Variants in CFAP46 observed in about 807,000 individuals in gnomAD.
The protein encoded by CFAP46 is cilia- and flagella-associated protein 46.
CFAP46 carries 245 observed loss-of-function variants against 325.7 expected under a neutral mutation model. The observed-to-expected ratio is 0.75, with a 90% CI of 0.68 to 0.84. The LOEUF (loss-of-function observed/expected upper bound fraction) is 0.84, where lower values mean the gene tolerates loss of function less well. Among genes scored for constraint, CFAP46 ranks in the 40% least tolerant of loss-of-function variants. The pLI, the probability that CFAP46 is intolerant of heterozygous loss-of-function variation, is 0.00. For synonymous variants in CFAP46, 1,523 were observed against 1,495.9 expected, an observed-to-expected ratio of 1.02 and a Z score of -0.42; for missense variants, 3,346 against 3,543.0, an observed-to-expected ratio of 0.94 and a Z score of 1.41.
rs1848865691 is a variant in CFAP46 at position 132,869,418 on chromosome 10, G to A, written c.4512-46C>T. 2.1e-6 allele frequency: 3 copies of A among 1,413,636 alleles called. No homozygotes were observed. The highest frequency in any genetic ancestry group is 2.8e-6 in the Non-Finnish European group (3 of 1,058,152). 87.6% of individuals were successfully genotyped at this position (1,413,636 alleles called of 1,614,324 possible). On this transcript the variant is annotated intron_variant, in intron 32 of 57. Coordinates refer to ENST00000368586, the MANE Select transcript of CFAP46 (RefSeq NM_001200049.3). The surrounding 1 kb of genome is among the most constrained non-coding windows in gnomAD (Gnocchi z 6.2). The stretch of plus-strand genomic sequence containing the variant: ...AGAGTCAGTGTTGCACGGGCGCAGA[G>A]GGAGCCAGAAACGAAGCTACTAGTG...
chr10:132,892,492 C>T, intron 24 of CFAP46, 75 bp from the exon 25 acceptor site: 3 of 1,335,708 alleles, frequency 2.2e-6, no homozygotes, highest in Non-Finnish European at 3.1e-6. Context: ...TAAGAAACTC[C>T]CCCTCTGAGC....
In CFAP46 at chr10:132,832,582, T is replaced by C. The variant is rs1022555979; in HGVS notation, c.7117+776A>G. 8 of 349,488 alleles carry C rather than the reference T, an allele frequency of 2.3e-5. No homozygotes were observed. The highest frequency in any genetic ancestry group is 4.3e-5 in the African/African-American group (2 of 46,684). The allele number at this position is 349,488 out of a possible 1,614,324, so 21.6% of individuals were successfully genotyped here. On this transcript the variant is annotated intron_variant, in intron 50 of 57. Transcript: ENST00000368586. The surrounding 1 kb of genome is among the most constrained non-coding windows in gnomAD (Gnocchi z 4.1). ...CAGCTGGAAGAACGAATCTGGTCCC[T>C]GTTACTTCATCTGAGATGGAAGCAA...
chr10:132,895,752 G>A (rs1367470259), intron 24 of CFAP46, among the ~76,000 whole-genome samples: 1 of 152,210 alleles, frequency 6.6e-6, no homozygotes, highest in Non-Finnish European at 1.5e-5. Flanking sequence ...CATATCCTGA[G>A]ACTCTAACCC....
At chr10:132,853,552 C>T (rs1347010577) in intron 39 of CFAP46, among the ~76,000 whole-genome samples, 1 of 152,128 alleles carries the variant, frequency 6.6e-6, no homozygotes. Context: ...GATGTATTCT[C>T]TCCTTTTCAA....
At chr10:132,890,271 C>A (rs1849236411) in intron 25 of CFAP46, among the ~76,000 whole-genome samples, 1 of 152,200 alleles carries the variant, frequency 6.6e-6, no homozygotes, top group South Asian at 2.1e-4. Context: ...GTCTGGGCTG[C>A]CTTCTGCCTC....
chr10:132,887,396 G>A (rs1321338629), intron 25 of CFAP46, among the ~76,000 whole-genome samples: 2 of 48,594 alleles, frequency 4.1e-5, no homozygotes. Context: ...CTCCTCTCTC[G>A]CTTCTCTCTC....
Position 132,842,172 on chromosome 10 carries a change from G to A in CFAP46, c.6438+3885C>T, listed in dbSNP as rs147117506. Among the ~76,000 whole-genome samples the A allele has an allele frequency of 4.6e-3, 699 of 152,284 alleles. 9 individuals carry two copies. The highest frequency in any genetic ancestry group is 0.015 in the African/African-American group (630 of 41,548). ...CCGTGTAGTGGTTAGAAGTAGCCACGCAGCAGCCTAATTCTTTGCTGCTTG... is the reference window on the plus strand; with the variant it reads ...CCGTGTAGTGGTTAGAAGTAGCCACACAGCAGCCTAATTCTTTGCTGCTTG... On this transcript the variant is annotated intron_variant, in intron 44 of 57. Transcript: ENST00000368586.
chr10:132,836,198 G>A lies in CFAP46; in HGVS notation c.6557C>T (p.Ala2186Val). 6.2e-7 allele frequency: 1 copy of A among 1,611,280 alleles called. No individual in the cohort carries two copies. Among genetic ancestry groups the A allele is most frequent in the Non-Finnish European group, 8.5e-7 (1 of 1,179,632 alleles). The change falls in exon 46 of 58, where the codon GCC (alanine) becomes GTC (valine). Residue 2186 changes from alanine to valine, a missense_variant. Transcript: ENST00000368586. ...SGDRSRLYGA[A>V]YEKPKFITAA... ...AGTAATGAACTTGGGTTTCTCGTAG[G>A]CAGCGCCGTACAGACGGGACCTGCT...
rs1044794377 is a variant in CFAP46, at chr10:132,919,928, G to A, written c.1730+131C>T. On this transcript the variant is annotated intron_variant, in intron 14 of 57. Transcript: ENST00000368586. This position sits in a 1 kb window ranked among gnomAD's most constrained non-coding sequence, Gnocchi z 9.7. Reference sequence around the variant, plus strand: ...GGCAGGGACCTCGTCCCACCATCCTGGAGCAGGTGGCCTGGCGAGTCCCCA... The same window carrying A: ...GGCAGGGACCTCGTCCCACCATCCTAGAGCAGGTGGCCTGGCGAGTCCCCA... 3 of 1,234,326 alleles carry A rather than the reference G, an allele frequency of 2.4e-6. No individual in the cohort carries two copies. Among genetic ancestry groups the A allele is most frequent in the Non-Finnish European group, 3.2e-6 (3 of 932,088 alleles). The allele number at this position is 1,234,326 out of a possible 1,614,324, so 76.5% of individuals were successfully genotyped here.
intron 34 of CFAP46, among the ~76,000 whole-genome samples, chr10:132,866,519 C>T (rs374938018): frequency 5.9e-5 from 9 of 152,230 alleles, no homozygotes; most frequent in African/African-American, 1.4e-4. Flanking sequence ...CTCGTGGTGC[C>T]GAACAACCCT....
chr10:132,812,136 T>G (rs185428885), intron 55 of CFAP46, among the ~76,000 whole-genome samples: 240 of 152,318 alleles, frequency 1.6e-3, no homozygotes, highest in South Asian at 0.011. Context: ...CGCCCTGCGG[T>G]GTCCGAGTGG....
intron 19 of CFAP46, among the ~76,000 whole-genome samples, chr10:132,912,118 A>ACCCCCACC (rs202055018): frequency 1.1e-4 from 4 of 36,290 alleles, no homozygotes; most frequent in African/African-American, 3.6e-4. Flanking sequence ...CTCTCCCTCC[A>ACCCCCACC]CCCCCACCCC....
intron 41 of CFAP46, among the ~76,000 whole-genome samples, chr10:132,848,641 G>A (rs893216491): frequency 6.6e-6 from 1 of 152,224 alleles, no homozygotes; most frequent in African/African-American, 2.4e-5. Context: ...CACACCCGCA[G>A]CGGCACAGAT....
intron 44 of CFAP46, among the ~76,000 whole-genome samples, chr10:132,838,617 G>T (rs1447120316): frequency 6.6e-6 from 1 of 152,228 alleles, no homozygotes; most frequent in Non-Finnish European, 1.5e-5. Flanking sequence ...TGCCACAGCT[G>T]GGAATGCCAC....
Position 132,876,937 on chromosome 10 carries a change from G to T in CFAP46, c.4237C>A (p.Gln1413Lys). Reference protein sequence around the residue: ...KQSQSPAPIKQLEDLPMSIEE... With the variant: ...KQSQSPAPIKKLEDLPMSIEE... Reference sequence around the variant, plus strand: ...ATGCTCATGGGTAAGTCTTCCAGTTGTTTGATAGGAGCTGGGCTTTGAGAC... The same window carrying T: ...ATGCTCATGGGTAAGTCTTCCAGTTTTTTGATAGGAGCTGGGCTTTGAGAC... Residue 1413 changes from glutamine to lysine, a missense_variant, in exon 31 of 58, where the codon CAA (glutamine) becomes AAA (lysine). By Grantham distance (53) the Gln-to-Lys change is moderately conservative (BLOSUM62 1). Transcript: ENST00000368586. The surrounding 1 kb of genome is among the most constrained non-coding windows in gnomAD (Gnocchi z 4.1). The T allele has an allele frequency of 1.3e-6, 2 of 1,550,378 alleles. No individual in the cohort carries two copies. Among genetic ancestry groups the T allele is most frequent in the Non-Finnish European group, 8.7e-7 (1 of 1,146,910 alleles).
chr10:132,941,412 A>G (rs1850098915), intron 3 of CFAP46, among the ~76,000 whole-genome samples, 179 bp downstream of exon 3: 1 of 152,222 alleles, frequency 6.6e-6, no homozygotes, highest in African/African-American at 2.4e-5. Flanking sequence ...TGTGTCAGAT[A>G]TCACCACTTG....
At chr10:132,866,620 G>T (rs1474812354) in intron 34 of CFAP46, among the ~76,000 whole-genome samples, 1 of 152,172 alleles carries the variant, frequency 6.6e-6, no homozygotes, top group Non-Finnish European at 1.5e-5. Context: ...TAGGATCTGG[G>T]CCTACCCCGC....
rs752396402 is a variant in CFAP46 at position 132,939,564 on chromosome 10, C to T, written c.372-811G>A. On this transcript the variant is annotated intron_variant, in intron 4 of 57. Transcript: ENST00000368586. The surrounding 1 kb of genome is among the most constrained non-coding windows in gnomAD (Gnocchi z 4.6). ...CAATGCCCAGGTGGGAGGAGGACAC[C>T]AGGGTGGCTGTGGCAAGCCCACTCC... is the stretch of plus-strand genomic sequence containing the variant. Among the ~76,000 whole-genome samples, 1 of 152,174 alleles carries T rather than the reference C, an allele frequency of 6.6e-6. No individual in the cohort carries two copies. The highest frequency in any genetic ancestry group is 1.5e-5 in the Non-Finnish European group (1 of 68,030).
In CFAP46 at chr10:132,919,646, C is replaced by A. The variant is rs1480787108; in HGVS notation, c.1731-204G>T. Among the ~76,000 whole-genome samples, 2 of 152,134 alleles carry A rather than the reference C, an allele frequency of 1.3e-5. No individual in the cohort carries two copies. The highest frequency in any genetic ancestry group is 2.9e-5 in the Non-Finnish European group (2 of 68,004). On this transcript the variant is annotated intron_variant, in intron 14 of 57. Transcript: ENST00000368586. The surrounding 1 kb of genome is among the most constrained non-coding windows in gnomAD (Gnocchi z 9.7). ...CGCAGCTCTCCGCTCTCCCTGCCAG[C>A]CAGCTGTGCGCGGCACCTCCCTTCC...
Sources: gnomAD v4.1 joint callset for allele counts (sites outside exome capture counted in the v4.1 genomes callset) on GRCh38, gnomAD v4.1.1 for gene constraint, Gnocchi (gnomAD v3.1) non-coding constraint, MANE v1.5 for transcripts, NCBI Gene and HGNC (gene_info 2026-07-23, HGNC 2026-07-21) for gene names.